Variants in MSI2 observed in about 807,000 individuals in gnomAD.
MSI2 encodes the protein RNA-binding protein Musashi homolog 2.
Under a neutral mutation model 45.6 loss-of-function variants are expected in MSI2, and 17 were observed. That is an observed-to-expected ratio of 0.37 (90% CI 0.26 to 0.56). The LOEUF is 0.56. Among genes scored for constraint, MSI2 ranks in the 20% least tolerant of loss-of-function variants. The pLI is 0.77. For missense variants in MSI2, 293 were observed against 444.2 expected (o/e 0.66, Z 3.06); for synonymous variants, 156 against 158.2 (o/e 0.99, Z 0.11).
chr17:57,323,522 C>G (rs527632770), intron 5 of MSI2, among the ~76,000 whole-genome samples: 1 of 152,380 alleles, frequency 6.6e-6, no homozygotes, highest in East Asian at 1.9e-4. Context: ...CCTGCAGCCT[C>G]CTTGGTTGGT....
At chr17:57,649,892 C>T (rs867626891) in intron 10 of MSI2, among the ~76,000 whole-genome samples, 1 of 152,168 alleles carries the variant, frequency 6.6e-6, no homozygotes, top group African/African-American at 2.4e-5. Context: ...AGATGTAGGG[C>T]ACAGAGGCAG....
chr17:57,353,856 G>A (rs1916221472), intron 5 of MSI2, among the ~76,000 whole-genome samples: 1 of 152,098 alleles, frequency 6.6e-6, no homozygotes, highest in African/African-American at 2.4e-5. Flanking sequence ...CTGTCATGGG[G>A]ATCAGCAAAC....
chr17:57,412,529 G>A (rs920878042), intron 6 of MSI2, among the ~76,000 whole-genome samples: 1 of 152,100 alleles, frequency 6.6e-6, no homozygotes, highest in African/African-American at 2.4e-5. Context: ...TAGAAAAGTT[G>A]AGAATCTCTA....
chr17:57,622,236 G>A (rs141264890), intron 9 of MSI2, among the ~76,000 whole-genome samples: 1,730 of 100,708 alleles, frequency 0.017, 36 homozygotes, highest in African/African-American at 0.069. Flanking sequence ...GTCTCGTGCA[G>A]CCCCTCAGAC....
chr17:57,529,839 A>T lies in MSI2; in HGVS notation c.454+115A>T, dbSNP rs1422909992. 5 of 798,768 alleles carry T rather than the reference A, an allele frequency of 6.3e-6. No homozygotes were observed. Among genetic ancestry groups the T allele is most frequent in the Non-Finnish European group, 1.0e-5 (5 of 497,178 alleles). 49.5% of individuals were successfully genotyped at this position (798,768 alleles called of 1,614,324 possible). ...GAAGAGTCCAGAGTCAAGCAGGTAG[A>T]GGTGACCATCCATTGAAGATCTTTA... On this transcript the variant is annotated intron_variant, in intron 7 of 13. Transcript: ENST00000284073. The surrounding 1 kb of genome is among the most constrained non-coding windows in gnomAD (Gnocchi z 5.3).
chr17:57,355,052 G>C (rs1916314961), intron 5 of MSI2, among the ~76,000 whole-genome samples: 1 of 152,142 alleles, frequency 6.6e-6, no homozygotes, highest in African/African-American at 2.4e-5. Context: ...AACCAGAAAG[G>C]AGAATACCTT....
chr17:57,598,260 C>T (rs920477842), intron 8 of MSI2, among the ~76,000 whole-genome samples: 2 of 152,182 alleles, frequency 1.3e-5, no homozygotes, highest in Non-Finnish European at 2.9e-5. Context: ...TTTGTCAAAA[C>T]ATTTCTTGCT....
At chr17:57,459,078 T>C (rs1388509669) in intron 6 of MSI2, among the ~76,000 whole-genome samples, 1 of 152,276 alleles carries the variant, frequency 6.6e-6, no homozygotes, top group Non-Finnish European at 1.5e-5. Flanking sequence ...TGCTCTTTAA[T>C]GTTTTCCTTC....
intron 6 of MSI2, among the ~76,000 whole-genome samples, chr17:57,516,388 AGGAAT>A (rs750835243): frequency 2.6e-5 from 4 of 152,286 alleles, no homozygotes; most frequent in African/African-American, 9.6e-5. Context: ...ATTCCATTGT[AGGAAT>A]GGAATGGAAT....
chr17:57,632,490 A>C (rs757992076), intron 10 of MSI2: 18 of 1,066,118 alleles, frequency 1.7e-5, no homozygotes, highest in Admixed American at 5.3e-5. Context: ...CACGGTGGGC[A>C]CCGATCCACA....
At chr17:57,360,397 C>T (rs1427311780) in intron 5 of MSI2, among the ~76,000 whole-genome samples, 1 of 152,236 alleles carries the variant, frequency 6.6e-6, no homozygotes, top group Non-Finnish European at 1.5e-5. Context: ...AGAGGCTAGT[C>T]AGCCCTTGGT....
chr17:57,483,064 A>G (rs906643898), intron 6 of MSI2, among the ~76,000 whole-genome samples: 2 of 152,340 alleles, frequency 1.3e-5, no homozygotes, highest in South Asian at 2.1e-4. Flanking sequence ...TCTACTGACC[A>G]TAACATTTCT....
intron 5 of MSI2, among the ~76,000 whole-genome samples, chr17:57,316,318 GCTA>G (rs1019615050): frequency 1.0e-4 from 15 of 148,648 alleles, no homozygotes; most frequent in African/African-American, 3.7e-4. Flanking sequence ...TAGGGTTATT[GCTA>G]CTTTTTTTTT....
chr17:57,359,882 C>G (rs1390525932), intron 5 of MSI2, among the ~76,000 whole-genome samples: 1 of 152,222 alleles, frequency 6.6e-6, no homozygotes. Flanking sequence ...AGCTCCCCAC[C>G]CCTCGTGATG....
At chr17:57,308,044 G>A (rs545004874) in intron 5 of MSI2, among the ~76,000 whole-genome samples, 1 of 152,328 alleles carries the variant, frequency 6.6e-6, no homozygotes, top group South Asian at 2.1e-4. Context: ...CTCACTGAGA[G>A]GCAGTGGATT....
At chr17:57,581,831 C>T (rs1347132669) in intron 7 of MSI2, among the ~76,000 whole-genome samples, 1 of 152,164 alleles carries the variant, frequency 6.6e-6, no homozygotes, top group African/African-American at 2.4e-5. Flanking sequence ...CGTAAGTCGT[C>T]GCTTAACACA....
Position 57,442,796 on chromosome 17 carries a change from G to A in MSI2, c.405+41325G>A, listed in dbSNP as rs143908091. On this transcript the variant is annotated intron_variant, in intron 6 of 13. Transcript: ENST00000284073. The stretch of plus-strand genomic sequence containing the variant: ...GGTGTGTAGAATGGCATCTCCTGCC[G>A]GCACGCTGGGGGCCTGGGATACCTC... 6.2e-4 allele frequency among the ~76,000 whole-genome samples: 95 copies of A among 152,264 alleles called. 1 individual carries two copies. The highest frequency in any genetic ancestry group is 6.8e-3 in the Middle Eastern group (2 of 294).
chr17:57,624,865 T>C (rs1165807555), intron 9 of MSI2, among the ~76,000 whole-genome samples: 2 of 152,092 alleles, frequency 1.3e-5, no homozygotes, highest in Non-Finnish European at 2.9e-5. Context: ...AAAGGAAGAC[T>C]CCTATCTTAA....
chr17:57,627,446 T>C lies in MSI2; in HGVS notation c.727+143T>C. ...TATACATGATAAATTTCAAATCCAC[T>C]GAAGTTCAAGGCCAGGATGCAGCTC... On this transcript the variant is annotated intron_variant, in intron 10 of 13. Transcript: ENST00000284073. The surrounding 1 kb of genome is among the most constrained non-coding windows in gnomAD (Gnocchi z 4.6). 2 of 761,814 alleles carry C rather than the reference T, an allele frequency of 2.6e-6. No homozygotes were observed. The highest frequency in any genetic ancestry group is 4.5e-6 in the Non-Finnish European group (2 of 443,390). 47.2% of individuals were successfully genotyped at this position (761,814 alleles called of 1,614,324 possible).
Sources: allele counts gnomAD v4.1 joint callset (sites outside exome capture counted in the v4.1 genomes callset), GRCh38; gene constraint gnomAD v4.1.1; non-coding constraint Gnocchi (gnomAD v3.1); transcripts MANE v1.5; gene names NCBI Gene and HGNC (gene_info 2026-07-23, HGNC 2026-07-21).